The following TFCP2 variants were observed in gnomAD, a reference collection of about 807,000 sequenced individuals.
TFCP2 encodes the protein transcription factor CP2, also known as alpha-globin transcription factor CP2.
A neutral mutation model predicts 73.4 loss-of-function variants in TFCP2; 33 were observed. The observed-to-expected ratio is 0.45, with a 90% CI of 0.34 to 0.60. TFCP2 has a LOEUF of 0.60. TFCP2 is among the 20% of genes least tolerant of loss of function. The probability of loss-of-function intolerance (pLI) is 0.01; values close to 1 mark genes in which losing one functional copy is unlikely to be tolerated. For missense variants in TFCP2, 352 were observed against 604.0 expected (o/e 0.58, Z 4.37); for synonymous variants, 193 against 211.6 (o/e 0.91, Z 0.76).
At position 51,115,276 on chromosome 12, in the gene TFCP2, C is replaced by T. The variant is rs192004044; in HGVS notation, c.457+1039G>A. ...CTGGGACTACAGGCGCCCGCCACCA[C>T]GCCCAGCTAATTTCTTTGTATTTTG... On this transcript the variant is annotated intron_variant, in intron 4 of 14. Coordinates refer to ENST00000257915, the MANE Select transcript of TFCP2 (RefSeq NM_005653.5). 7.3e-3 allele frequency among the ~76,000 whole-genome samples: 1,104 copies of T among 151,954 alleles called. 9 individuals are homozygous for T. The highest frequency in any genetic ancestry group is 0.025 in the African/African-American group (1,028 of 41,504).
At chr12:51,147,165 A>T (rs1941314150) in intron 1 of TFCP2, among the ~76,000 whole-genome samples, 1 of 152,148 alleles carries the variant, frequency 6.6e-6, no homozygotes, top group South Asian at 2.1e-4. Context: ...CAATATAGTG[A>T]AACTCCATCT....
chr12:51,116,237 G>T, intron 4 of TFCP2, 78 bp downstream of exon 4: 1 of 673,820 alleles, frequency 1.5e-6, no homozygotes, highest in Non-Finnish European at 2.5e-6. Flanking sequence ...ATGAATCAAG[G>T]TAAATGTCAA....
At chr12:51,141,051 G>T (rs2137015626) in intron 1 of TFCP2, among the ~76,000 whole-genome samples, 1 of 151,488 alleles carries the variant, frequency 6.6e-6, no homozygotes, top group Admixed American at 6.6e-5. Flanking sequence ...GTGAGACTCT[G>T]TCTAAAAAAT....
chr12:51,111,107 CTTTG>C (rs1185998996), intron 4 of TFCP2, 124 bp from the exon 5 acceptor site: 1 of 588,380 alleles, frequency 1.7e-6, no homozygotes, highest in Non-Finnish European at 2.9e-6. Context: ...TCCTAAATTT[CTTTG>C]TTTTTTTTTT....
At chr12:51,115,119 C>CTTT (rs767275906) in intron 4 of TFCP2, among the ~76,000 whole-genome samples, 12 of 83,792 alleles carry the variant, frequency 1.4e-4, no homozygotes, top group Non-Finnish European at 1.8e-4. Context: ...AAATTGGAAC[C>CTTT]TTTTTTTTTT....
At chr12:51,102,069 CT>C in intron 10 of TFCP2, 44 bp from the exon 11 acceptor site, 1 of 1,328,442 alleles carries the variant, frequency 7.5e-7, no homozygotes. Context: ...CAAAGATTCT[CT>C]TTGTTAATGA....
intron 12 of TFCP2, 78 bp from the exon 13 acceptor site, chr12:51,098,996 C>T (rs760732007): frequency 1.3e-6 from 2 of 1,485,196 alleles, no homozygotes; most frequent in South Asian, 1.3e-5. Context: ...TAGGAATGCC[C>T]ACTTTTCTGA....
At chr12:51,143,813 C>G (rs1198131191) in intron 1 of TFCP2, among the ~76,000 whole-genome samples, 2 of 151,914 alleles carry the variant, frequency 1.3e-5, no homozygotes, top group Middle Eastern at 3.2e-3. Context: ...ATTCAACAGT[C>G]CAGGTAAGAA....
intron 1 of TFCP2, among the ~76,000 whole-genome samples, chr12:51,160,287 C>T (rs567328368): frequency 6.6e-5 from 10 of 152,184 alleles, no homozygotes; most frequent in African/African-American, 2.2e-4. Context: ...AGGTGCCCAC[C>T]ACCATGCCCA....
intron 3 of TFCP2, among the ~76,000 whole-genome samples, chr12:51,117,179 C>T (rs1309128555): frequency 6.6e-6 from 1 of 152,206 alleles, no homozygotes; most frequent in Non-Finnish European, 1.5e-5. Flanking sequence ...TTTTGTTACT[C>T]TTACTTTGTA....
chr12:51,162,135 A>G (rs1941662870), intron 1 of TFCP2, among the ~76,000 whole-genome samples: 1 of 152,100 alleles, frequency 6.6e-6, no homozygotes. Flanking sequence ...GGAGCAGGAA[A>G]AAAAAACGAA....
chr12:51,105,147 G>A (rs574309409), intron 8 of TFCP2, among the ~76,000 whole-genome samples: 111 of 145,906 alleles, frequency 7.6e-4, no homozygotes, highest in Non-Finnish European at 1.4e-3. Context: ...AGGCTGGAGC[G>A]CAGTGGCATG....
chr12:51,116,620 CT>C (rs35866720), intron 3 of TFCP2, among the ~76,000 whole-genome samples, 200 bp from the exon 4 acceptor site: 8,199 of 143,742 alleles, frequency 0.057, 461 homozygotes, highest in African/African-American at 0.15. Flanking sequence ...CAGATATAAT[CT>C]TTTTTTTTTT....
In TFCP2 at chr12:51,150,787, C is replaced by T. The variant is rs558936835; in HGVS notation, c.122+21514G>A. The stretch of plus-strand genomic sequence containing the variant: ...CCTCAGGAACTGCTATAGTACTTGC[C>T]TTTTTTAAGAAAATGGAGATAGTGA... On this transcript the variant is annotated intron_variant, in intron 1 of 14. Transcript: ENST00000257915. Among the ~76,000 whole-genome samples, 783 of 152,290 alleles carry T rather than the reference C, an allele frequency of 5.1e-3. 9 individuals carry two copies. The highest frequency in any genetic ancestry group is 8.7e-3 in the Non-Finnish European group (589 of 68,028).
intron 13 of TFCP2, among the ~76,000 whole-genome samples, chr12:51,098,104 C>T (rs1940011653): frequency 6.6e-6 from 1 of 150,936 alleles, no homozygotes; most frequent in Non-Finnish European, 1.5e-5. Flanking sequence ...TATAAGAATT[C>T]TAACTGTTAA....
intron 3 of TFCP2, 100 bp from the exon 4 acceptor site, chr12:51,116,520 G>A (rs1940531829): frequency 2.1e-5 from 11 of 533,524 alleles, no homozygotes; most frequent in East Asian, 6.2e-5. Context: ...GTTTCTAAAC[G>A]CAATCTAAAA....
At chr12:51,156,479 GC>G (rs1451583714) in intron 1 of TFCP2, among the ~76,000 whole-genome samples, 2 of 152,030 alleles carry the variant, frequency 1.3e-5, no homozygotes, top group Non-Finnish European at 2.9e-5. Flanking sequence ...TTCCCACTAG[GC>G]CCCACCCACC....
At chr12:51,149,102 C>T (rs1041000501) in intron 1 of TFCP2, among the ~76,000 whole-genome samples, 4 of 147,288 alleles carry the variant, frequency 2.7e-5, no homozygotes, top group African/African-American at 5.0e-5. Flanking sequence ...ATAAAAGGAA[C>T]GAAACAATGG....
At position 51,107,355 on chromosome 12, in the gene TFCP2, A is replaced by G. The variant is rs753539755; in HGVS notation, c.718-9T>C. The G allele has an allele frequency of 6.2e-6, 10 of 1,601,782 alleles. No individual in the cohort carries two copies. The highest frequency in any genetic ancestry group is 1.8e-5 in the Admixed American group (1 of 56,486). On this transcript the variant is annotated splice_polypyrimidine_tract_variant and intron_variant, in intron 6 of 14. Transcript: ENST00000257915. ...CTGTCTGCACCTTTGGGCTGAAATG[A>G]GAAATATTTTGTTTTAAATTCAGGT...
Sources: allele counts gnomAD v4.1 joint callset (sites outside exome capture counted in the v4.1 genomes callset), GRCh38; gene constraint gnomAD v4.1.1; transcripts MANE v1.5; gene names NCBI Gene and HGNC (gene_info 2026-07-23, HGNC 2026-07-21).